EGF: variants seen among roughly 807,000 people sequenced by gnomAD.
EGF encodes the protein epidermal growth factor, also known as pro-epidermal growth factor.
A neutral mutation model predicts 143.8 loss-of-function variants in EGF; 95 were observed. That is an observed-to-expected ratio of 0.66 (90% CI 0.56 to 0.78). The LOEUF is 0.78. EGF is among the 30% of genes least tolerant of loss of function. EGF has a pLI of 0.00. For missense variants in EGF, 1,320 were observed against 1,470.9 expected (o/e 0.90, Z 1.68); for synonymous variants, 510 against 510.5 (o/e 1.00, Z 0.01).
chr4:109,964,848 T>TA (rs1226094500), intron 10 of EGF, among the ~76,000 whole-genome samples: 1 of 152,208 alleles, frequency 6.6e-6, no homozygotes, highest in African/African-American at 2.4e-5. Flanking sequence ...GTGTCATGCA[T>TA]ATAGAAGGAG....
At chr4:109,945,879 G>T (rs543326964) in intron 5 of EGF, among the ~76,000 whole-genome samples, 1 of 152,312 alleles carries the variant, frequency 6.6e-6, no homozygotes, top group South Asian at 2.1e-4. Context: ...AGGATCTAAA[G>T]TTGTCTTCAG....
chr4:109,999,588 G>C, intron 20 of EGF, 91 bp from the exon 21 acceptor site: 1 of 1,517,308 alleles, frequency 6.6e-7, no homozygotes, highest in Non-Finnish European at 9.1e-7. Context: ...TGGAAATGCA[G>C]AGGTTGAGAG....
intron 16 of EGF, among the ~76,000 whole-genome samples, chr4:109,985,605 G>C (rs972371885): frequency 1.3e-5 from 2 of 152,166 alleles, no homozygotes; most frequent in South Asian, 2.1e-4. Flanking sequence ...TCAACGTCCT[G>C]TGTGTCCTTC....
chr4:110,011,791 T>C lies in EGF; in HGVS notation c.*336T>C, dbSNP rs944114864. On this transcript the variant is annotated 3_prime_UTR_variant, in exon 24 of 24. Transcript: ENST00000265171. ...TTGTTCCTGCAGCCCCAGAAGAAATTAGGGGTTAAAGCAGACAGTCACACT... is the reference window on the plus strand; with the variant it reads ...TTGTTCCTGCAGCCCCAGAAGAAATCAGGGGTTAAAGCAGACAGTCACACT... The C allele has an allele frequency of 2.8e-5, 10 of 360,948 alleles. No homozygotes were observed. Among genetic ancestry groups the C allele is most frequent in the African/African-American group, 2.1e-4 (10 of 47,694 alleles). The allele number at this position is 360,948 out of a possible 1,614,324, so 22.4% of individuals were successfully genotyped here. A position where few individuals can be genotyped will look rare whatever the true frequency, so the allele number is the denominator to read the frequency against.
chr4:109,986,925 AAC>A (rs1750217690), intron 16 of EGF, among the ~76,000 whole-genome samples: 1 of 152,338 alleles, frequency 6.6e-6, no homozygotes, highest in East Asian at 1.9e-4. Flanking sequence ...CTTGATAATA[AAC>A]ACACATTGTG....
chr4:109,937,424 A>C (rs763070648), intron 1 of EGF, among the ~76,000 whole-genome samples: 2 of 147,540 alleles, frequency 1.4e-5, no homozygotes, highest in Non-Finnish European at 3.0e-5. Flanking sequence ...TTTTGAGCCT[A>C]TGTGAGTCTT....
intron 10 of EGF, chr4:109,968,743 T>C: frequency 1.2e-5 from 6 of 503,564 alleles, no homozygotes; most frequent in Non-Finnish European, 2.1e-5. Flanking sequence ...AAGATTGATA[T>C]TATTATCCTT....
chr4:109,926,828 G>A (rs1738757230), intron 1 of EGF, among the ~76,000 whole-genome samples: 1 of 152,190 alleles, frequency 6.6e-6, no homozygotes, highest in Non-Finnish European at 1.5e-5. Context: ...GTGAGAAAGT[G>A]ACCACTAATT....
At chr4:109,917,333 A>T (rs1036632680) in intron 1 of EGF, among the ~76,000 whole-genome samples, 1 of 152,252 alleles carries the variant, frequency 6.6e-6, no homozygotes, top group Non-Finnish European at 1.5e-5. Flanking sequence ...TGGTAGAGCA[A>T]GTAATTGATT....
intron 22 of EGF, 96 bp from the exon 23 acceptor site, chr4:110,008,056 T>C: frequency 8.8e-7 from 1 of 1,139,992 alleles, no homozygotes; most frequent in Non-Finnish European, 1.3e-6. Flanking sequence ...TTCCATAGGA[T>C]GAACATCGTA....
rs1223900463 is a variant in EGF at position 109,963,188 on chromosome 4, A to C, written c.1328A>C (p.Asp443Ala). The C allele has an allele frequency of 5.0e-6, 8 of 1,614,056 alleles. No homozygotes were observed. Among genetic ancestry groups the C allele is most frequent in the African/African-American group, 1.3e-5 (1 of 75,032 alleles). The change falls in exon 9 of 24, where the codon GAT (aspartate) becomes GCT (alanine). Residue 443 changes from aspartate (D) to alanine (A), a missense_variant. Coordinates refer to ENST00000265171, the MANE Select transcript of EGF (RefSeq NM_001963.6). ...GKTCSGCSSPDNGGCSQLCVP... is the reference protein window; with the variant it reads ...GKTCSGCSSPANGGCSQLCVP... ...GTTTTTGTAGGTTGTTCCTCACCCG[A>C]TAATGGTGGATGTAGCCAGCTCTGC...
At chr4:109,919,870 C>A (rs2347136) in intron 1 of EGF, among the ~76,000 whole-genome samples, 42,158 of 151,348 alleles carry the variant, frequency 0.28, 6,572 homozygotes, top group Middle Eastern at 0.39. Flanking sequence ...AAGAAATGTG[C>A]CCTTATTTAG....
intron 5 of EGF, among the ~76,000 whole-genome samples, chr4:109,950,209 C>T (rs1253203651): frequency 6.6e-6 from 1 of 152,118 alleles, no homozygotes; most frequent in Admixed American, 6.6e-5. Flanking sequence ...AAGAAAATAA[C>T]TAACCTACCA....
At chr4:109,970,934 T>C (rs1299700500) in intron 11 of EGF, among the ~76,000 whole-genome samples, 5 of 152,130 alleles carry the variant, frequency 3.3e-5, no homozygotes, top group Admixed American at 6.5e-5. Context: ...TTTTCTTTCA[T>C]TCATTCATTT....
intron 11 of EGF, among the ~76,000 whole-genome samples, chr4:109,972,198 G>T (rs1278179646): frequency 6.6e-6 from 1 of 152,110 alleles, no homozygotes; most frequent in African/African-American, 2.4e-5. Flanking sequence ...GGTGATGCTT[G>T]AACTCCCATG....
chr4:109,972,685 C>A (rs758785553), intron 11 of EGF, among the ~76,000 whole-genome samples: 32 of 152,192 alleles, frequency 2.1e-4, no homozygotes, highest in Non-Finnish European at 4.3e-4. Flanking sequence ...GAAATGGTTT[C>A]AAATTCTCCA....
intron 23 of EGF, among the ~76,000 whole-genome samples, chr4:110,010,083 C>T (rs1050834188): frequency 1.1e-4 from 17 of 152,060 alleles, no homozygotes; most frequent in South Asian, 2.1e-4. Context: ...TATGGTGGAA[C>T]GCTGTCTCTA....
At chr4:109,936,537 A>G (rs972665568) in intron 1 of EGF, among the ~76,000 whole-genome samples, 5 of 151,980 alleles carry the variant, frequency 3.3e-5, no homozygotes, top group Admixed American at 3.3e-4. Context: ...TCATATCTCT[A>G]TCTCCTTCAG....
chr4:109,916,844 A>G (rs1411698897), intron 1 of EGF, among the ~76,000 whole-genome samples: 1 of 152,256 alleles, frequency 6.6e-6, no homozygotes, highest in Non-Finnish European at 1.5e-5. Flanking sequence ...TATACATGAC[A>G]AAATGCCATA....
Sources: gnomAD v4.1 joint callset for allele counts (sites outside exome capture counted in the v4.1 genomes callset) on GRCh38, gnomAD v4.1.1 for gene constraint, MANE v1.5 for transcripts, NCBI Gene and HGNC (gene_info 2026-07-23, HGNC 2026-07-21) for gene names.